The following PCDHGA5 variants were observed in gnomAD, a reference collection of about 807,000 sequenced individuals.
PCDHGA5 encodes the protein protocadherin gamma subfamily A, 5.
A neutral mutation model predicts 56.7 loss-of-function variants in PCDHGA5; 36 were observed. The ratio of observed to expected loss-of-function variants is 0.64; its 90% CI spans 0.49 to 0.84. The LOEUF is 0.84. Ranked by LOEUF, PCDHGA5 falls within the 40% of genes least tolerant of loss-of-function variation. The pLI is 0.00. For missense variants in PCDHGA5, 1,305 were observed against 1,201.5 expected, an observed-to-expected ratio of 1.09 and a Z score of -1.27; for synonymous variants, 563 against 520.2, an observed-to-expected ratio of 1.08 and a Z score of -1.12.
At chr5:141,379,679 T>C (rs561648427) in intron 1 of PCDHGA5, 1 of 152,142 alleles carries the variant, frequency 6.6e-6, no homozygotes, top group African/African-American at 2.4e-5. Flanking sequence ...CATTCACTCA[T>C]GTGGACTGAC....
At chr5:141,415,066 C>A in intron 1 of PCDHGA5, 1 of 1,613,410 alleles carries the variant, frequency 6.2e-7, no homozygotes, top group Non-Finnish European at 8.5e-7. Flanking sequence ...GGGCGAGGTG[C>A]GCACGGCGCG....
At chr5:141,379,475 T>C (rs192049867) in intron 1 of PCDHGA5, 35 of 152,390 alleles carry the variant, frequency 2.3e-4, no homozygotes, top group African/African-American at 8.2e-4. Flanking sequence ...GTGTGAATGT[T>C]ATTTTACTAT....
At chr5:141,376,602 A>T in intron 1 of PCDHGA5, 1 of 1,521,112 alleles carries the variant, frequency 6.6e-7, no homozygotes, top group Non-Finnish European at 8.9e-7. Flanking sequence ...CTGTTATAGA[A>T]GCGAACCTCT....
At position 141,373,993 on chromosome 5, in the gene PCDHGA5, G is replaced by A. The variant is rs1770007177; in HGVS notation, c.2421+7242G>A. ...TCGCATCCGGTCTCTGCTTGTTGAAGGACCTTCACCGCTATTTCTGAGAAG... is the reference window on the plus strand; with the variant it reads ...TCGCATCCGGTCTCTGCTTGTTGAAAGACCTTCACCGCTATTTCTGAGAAG... On this transcript the variant is annotated intron_variant, in intron 1 of 3. Coordinates refer to ENST00000518069, the MANE Select transcript of PCDHGA5 (RefSeq NM_018918.3). 3 of 1,234,728 alleles carry A rather than the reference G, an allele frequency of 2.4e-6. No homozygotes were observed. The Admixed American group carries it at 1.0e-4, about 42-fold the overall frequency. The allele number at this position is 1,234,728 out of a possible 1,614,324, so 76.5% of individuals were successfully genotyped here. A position where few individuals can be genotyped will look rare whatever the true frequency, so the allele number is the denominator to read the frequency against.
Position 141,485,166 on chromosome 5 carries a change from C to T in PCDHGA5, c.2422-9641C>T, listed in dbSNP as rs1180453938. 2 of 1,606,374 alleles carry T rather than the reference C, an allele frequency of 1.2e-6. No individual in the cohort carries two copies. Among genetic ancestry groups the T allele is most frequent in the Non-Finnish European group, 8.5e-7 (1 of 1,174,214 alleles). ...CAGGAGCAAGTAGAGAATTAGCGGG[C>T]GGCAGCAATGCTCCGCAAGGTGAGA... On this transcript the variant is annotated intron_variant, in intron 1 of 3. Transcript: ENST00000518069. The surrounding 1 kb of genome is among the most constrained non-coding windows in gnomAD (Gnocchi z 5.7).
At chr5:141,420,699 C>T (rs2096518531) in intron 1 of PCDHGA5, among the ~76,000 whole-genome samples, 1 of 152,236 alleles carries the variant, frequency 6.6e-6, no homozygotes, top group African/African-American at 2.4e-5. Context: ...ATTATTTCCA[C>T]TTCCAGAAAT....
At chr5:141,400,186 TACCTAG>T (rs1474148355) in intron 1 of PCDHGA5, 1 of 1,614,068 alleles carries the variant, frequency 6.2e-7, no homozygotes, top group Non-Finnish European at 8.5e-7. Flanking sequence ...GCTGCAGTTT[TACCTAG>T]TGGTGGCCTT....
intron 1 of PCDHGA5, chr5:141,384,489 A>G: frequency 6.2e-7 from 1 of 1,614,168 alleles, no homozygotes. Flanking sequence ...AACTACAACT[A>G]AGAGTGACTG....
Position 141,486,054 on chromosome 5 carries a change from G to T in PCDHGA5, c.2422-8753G>T. The T allele has an allele frequency of 1.2e-6, 2 of 1,614,124 alleles. No homozygotes were observed. Among genetic ancestry groups the T allele is most frequent in the South Asian group, 1.1e-5 (1 of 91,072 alleles). On this transcript the variant is annotated intron_variant, in intron 1 of 3. Transcript: ENST00000518069. The surrounding 1 kb of genome is among the most constrained non-coding windows in gnomAD (Gnocchi z 5.0). The stretch of plus-strand genomic sequence containing the variant: ...CCTGATCGTGTAAGAAACCTCTTTA[G>T]CCTGCACCCCACTACTGGAAAGCTT...
rs756144117 is a variant in PCDHGA5, at chr5:141,485,181, G to A, written c.2422-9626G>A. On this transcript the variant is annotated intron_variant, in intron 1 of 3. Transcript: ENST00000518069. This position sits in a 1 kb window ranked among gnomAD's most constrained non-coding sequence, Gnocchi z 5.7. ...AATTAGCGGGCGGCAGCAATGCTCC[G>A]CAAGGTGAGAAGCTGGACAGAAATC... 3.1e-6 allele frequency: 5 copies of A among 1,612,942 alleles called. No individual in the cohort carries two copies. The South Asian group carries it at 4.4e-5, about 14-fold the overall frequency.
chr5:141,372,472 T>C (rs1768797135), intron 1 of PCDHGA5: 8 of 1,614,034 alleles, frequency 5.0e-6, no homozygotes, highest in African/African-American at 1.3e-5. Flanking sequence ...TTTCACCTAG[T>C]AGTGGCGTTG....
chr5:141,392,897 G>T (rs2150498343), intron 1 of PCDHGA5: 6 of 1,613,776 alleles, frequency 3.7e-6, no homozygotes, highest in Non-Finnish European at 5.1e-6. Flanking sequence ...AAATCGGGAG[G>T]GGACAGATTC....
chr5:141,365,202 C>G lies in PCDHGA5; in HGVS notation c.872C>G (p.Thr291Ser), dbSNP rs1763792764. The change falls in exon 1 of 4, where the codon ACT (threonine) becomes AGT (serine). Residue 291 changes from threonine (T) to serine (S), a missense_variant. Coordinates refer to ENST00000518069, the MANE Select transcript of PCDHGA5 (RefSeq NM_018918.3). ...FRNEEEKISE[T>S]FQLDSNLGEI... is the part of the protein sequence containing the mutation. ...AATGAAGAAGAAAAAATTTCGGAGA[C>G]TTTCCAACTTGATTCCAACCTGGGG... 1 of 1,613,774 alleles carries G rather than the reference C, an allele frequency of 6.2e-7. No individual in the cohort carries two copies. The highest frequency in any genetic ancestry group is 8.5e-7 in the Non-Finnish European group (1 of 1,179,896).
At chr5:141,447,798 A>G (rs2098551922) in intron 1 of PCDHGA5, among the ~76,000 whole-genome samples, 2 of 152,230 alleles carry the variant, frequency 1.3e-5, no homozygotes, top group Admixed American at 1.3e-4. Context: ...TTAAGAAAAT[A>G]AAATTGGCTG....
At chr5:141,445,268 C>A (rs2098461653) in intron 1 of PCDHGA5, among the ~76,000 whole-genome samples, 1 of 152,170 alleles carries the variant, frequency 6.6e-6, no homozygotes, top group Non-Finnish European at 1.5e-5. Flanking sequence ...TAAGTCGAAA[C>A]CACTCTGCAT....
chr5:141,444,240 C>A (rs1017550385), intron 1 of PCDHGA5, among the ~76,000 whole-genome samples: 1 of 128,688 alleles, frequency 7.8e-6, no homozygotes, highest in Admixed American at 9.7e-5. Flanking sequence ...GGCATGCTCT[C>A]GGCTCACTGC....
chr5:141,435,558 T>C (rs1401876733), intron 1 of PCDHGA5, among the ~76,000 whole-genome samples: 1 of 152,136 alleles, frequency 6.6e-6, no homozygotes, highest in Non-Finnish European at 1.5e-5. Flanking sequence ...TTTTGAGTGC[T>C]TTTTTTAGTA....
At chr5:141,405,218 G>T in intron 1 of PCDHGA5, 1 of 1,613,986 alleles carries the variant, frequency 6.2e-7, no homozygotes, top group Non-Finnish European at 8.5e-7. Flanking sequence ...CTATTCTCAG[G>T]AGTTCTCCCT....
chr5:141,373,347 G>A (rs1769499263), intron 1 of PCDHGA5, among the ~76,000 whole-genome samples: 1 of 152,178 alleles, frequency 6.6e-6, no homozygotes. Context: ...GGCAACTCTT[G>A]TAATGGGCAC....
Sources: gnomAD v4.1 joint callset for allele counts (sites outside exome capture counted in the v4.1 genomes callset) on GRCh38, gnomAD v4.1.1 for gene constraint, Gnocchi (gnomAD v3.1) non-coding constraint, MANE v1.5 for transcripts, NCBI Gene and HGNC (gene_info 2026-07-23, HGNC 2026-07-21) for gene names.